Variants in FRMD3 observed in about 807,000 individuals in gnomAD.
The protein encoded by FRMD3 is FERM domain containing 3.
FRMD3 carries 33 observed loss-of-function variants against 70.2 expected under a neutral mutation model. The observed-to-expected ratio is 0.47, with a 90% confidence interval of 0.36 to 0.63. The LOEUF is 0.63. FRMD3 is among the 20% of genes least tolerant of loss of function. FRMD3 has a pLI of 0.00. For synonymous variants in FRMD3, 279 were observed against 255.9 expected (o/e 1.09, Z -0.86); for missense variants, 632 against 711.4 (o/e 0.89, Z 1.27).
intron 1 of FRMD3, among the ~76,000 whole-genome samples, chr9:83,529,079 G>A (rs973098825): frequency 6.6e-6 from 1 of 152,182 alleles, no homozygotes; most frequent in East Asian, 1.9e-4. Flanking sequence ...ACAAAGAGGT[G>A]TATTCTCACA....
At chr9:83,357,246 C>T (rs7043993) in intron 3 of FRMD3, among the ~76,000 whole-genome samples, 2,917 of 5,972 alleles carry the variant, frequency 0.49, 471 homozygotes, top group Non-Finnish European at 0.54. Context: ...ATAATACATA[C>T]ATATATATAT....
At chr9:83,278,553 C>T (rs1563990385) in intron 13 of FRMD3, among the ~76,000 whole-genome samples, 1 of 152,188 alleles carries the variant, frequency 6.6e-6, no homozygotes, top group African/African-American at 2.4e-5. Context: ...CTTATGACCA[C>T]TGGGCAATGG....
intron 1 of FRMD3, among the ~76,000 whole-genome samples, chr9:83,511,066 CACAGACTCCCA>C (rs1321894935): frequency 2.0e-5 from 3 of 152,194 alleles, no homozygotes; most frequent in African/African-American, 7.2e-5. Context: ...GGATCCCACT[CACAGACTCCCA>C]ACAGCACCAA....
chr9:83,338,960 G>A (rs1587741693), intron 5 of FRMD3, among the ~76,000 whole-genome samples: 1 of 152,106 alleles, frequency 6.6e-6, no homozygotes, highest in Non-Finnish European at 1.5e-5. Context: ...GGAGATGGAC[G>A]ATCCCAGTGC....
At chr9:83,392,813 A>G (rs1825703494) in intron 1 of FRMD3, among the ~76,000 whole-genome samples, 2 of 152,190 alleles carry the variant, frequency 1.3e-5, no homozygotes, top group Admixed American at 6.5e-5. Context: ...CTGTGTGCAG[A>G]AGTGGTTATC....
At chr9:83,405,797 C>T (rs1416644895) in intron 1 of FRMD3, among the ~76,000 whole-genome samples, 1 of 151,842 alleles carries the variant, frequency 6.6e-6, no homozygotes, top group Non-Finnish European at 1.5e-5. Flanking sequence ...CATCATCTCC[C>T]TCCAAGCCCA....
intron 1 of FRMD3, among the ~76,000 whole-genome samples, chr9:83,505,306 C>A (rs1275474529): frequency 6.6e-6 from 1 of 152,146 alleles, no homozygotes; most frequent in Non-Finnish European, 1.5e-5. Flanking sequence ...CTTATTTTTG[C>A]CAGCCTACTA....
At chr9:83,505,262 G>A (rs912669613) in intron 1 of FRMD3, among the ~76,000 whole-genome samples, 4 of 152,182 alleles carry the variant, frequency 2.6e-5, no homozygotes, top group Non-Finnish European at 5.9e-5. Flanking sequence ...AGGTGAGAGA[G>A]CTCAGAACTG....
At chr9:83,414,978 A>G (rs1271366193) in intron 1 of FRMD3, among the ~76,000 whole-genome samples, 3 of 152,234 alleles carry the variant, frequency 2.0e-5, no homozygotes, top group Non-Finnish European at 2.9e-5. Flanking sequence ...GGTGATCAAG[A>G]ACCAGATGAG....
chr9:83,558,549 A>C, the FRMD3 span, among the ~76,000 whole-genome samples: 1 of 152,214 alleles, frequency 6.6e-6, no homozygotes, highest in East Asian at 1.9e-4. Context: ...TGTTGTTTTC[A>C]TGCCTCCTTA....
chr9:83,511,962 A>G (rs1395284623), intron 1 of FRMD3, among the ~76,000 whole-genome samples: 1 of 152,166 alleles, frequency 6.6e-6, no homozygotes, highest in Non-Finnish European at 1.5e-5. Flanking sequence ...ATCTCTAGAA[A>G]TTACACCTTA....
intron 1 of FRMD3, among the ~76,000 whole-genome samples, chr9:83,520,376 T>C (rs1207954089): frequency 1.3e-5 from 2 of 152,224 alleles, no homozygotes; most frequent in African/African-American, 4.8e-5. Flanking sequence ...AACACATGCT[T>C]ACCAAAGGCT....
chr9:83,512,729 C>T (rs1314525112), intron 1 of FRMD3, among the ~76,000 whole-genome samples: 2 of 152,310 alleles, frequency 1.3e-5, no homozygotes, highest in African/African-American at 4.8e-5. Flanking sequence ...CTGGAGTCCC[C>T]TGGGTGCTGA....
At chr9:83,396,549 T>C (rs1426415833) in intron 1 of FRMD3, among the ~76,000 whole-genome samples, 1 of 152,160 alleles carries the variant, frequency 6.6e-6, no homozygotes, top group Non-Finnish European at 1.5e-5. Context: ...TCTTGTCTGA[T>C]TGGTTCAGGA....
intron 5 of FRMD3, among the ~76,000 whole-genome samples, chr9:83,341,955 G>A (rs1159461437): frequency 6.6e-6 from 1 of 151,944 alleles, no homozygotes; most frequent in African/African-American, 2.4e-5. Context: ...CAGTGTTGTG[G>A]TAGGCAGATG....
At chr9:83,312,099 G>T in intron 7 of FRMD3, 124 bp from the exon 8 acceptor site, 1 of 703,272 alleles carries the variant, frequency 1.4e-6, no homozygotes, top group African/African-American at 1.8e-5. Flanking sequence ...AATGATTGTA[G>T]CAATAAACTA....
intron 4 of FRMD3, among the ~76,000 whole-genome samples, chr9:83,343,593 G>T (rs1018304667): frequency 1.3e-5 from 2 of 152,220 alleles, no homozygotes; most frequent in African/African-American, 2.4e-5. Flanking sequence ...GCTCCTGGCA[G>T]CAGCTCCCGC....
chr9:83,459,687 G>C (rs953366585), intron 1 of FRMD3, among the ~76,000 whole-genome samples: 1 of 152,222 alleles, frequency 6.6e-6, no homozygotes, highest in African/African-American at 2.4e-5. Context: ...CTCCTCAGAA[G>C]TCAGCTGGGT....
At chr9:83,452,753 A>C (rs1036490178) in intron 1 of FRMD3, among the ~76,000 whole-genome samples, 2 of 151,048 alleles carry the variant, frequency 1.3e-5, no homozygotes, top group African/African-American at 4.9e-5. Flanking sequence ...AAGTGCTAGG[A>C]TTACAGGCGT....
Sources: gnomAD v4.1 joint callset for allele counts (sites outside exome capture counted in the v4.1 genomes callset) on GRCh38, gnomAD v4.1.1 for gene constraint, MANE v1.5 for transcripts, NCBI Gene and HGNC (gene_info 2026-07-23, HGNC 2026-07-21) for gene names.